The following FAM171A1 variants were observed in gnomAD, a reference collection of about 807,000 sequenced individuals.
FAM171A1 encodes the protein family with sequence similarity 171 member A1, also known as protein FAM171A1.
FAM171A1 carries 23 observed loss-of-function variants against 74.9 expected under a neutral mutation model. The observed-to-expected ratio is 0.31, with a 90% confidence interval of 0.22 to 0.44. FAM171A1 has a LOEUF of 0.44. FAM171A1 is among the 20% of genes least tolerant of loss of function. The pLI is 1.00. For synonymous variants in FAM171A1, 527 were observed against 505.7 expected, an observed-to-expected ratio of 1.04 and a Z score of -0.57; for missense variants, 1,162 against 1,159.2, an observed-to-expected ratio of 1.00 and a Z score of -0.03.
intron 1 of FAM171A1, among the ~76,000 whole-genome samples, chr10:15,344,530 G>A (rs112541310): frequency 0.02 from 3,062 of 152,256 alleles, 35 homozygotes; most frequent in Middle Eastern, 0.048. Flanking sequence ...AGGTGACAGA[G>A]CAACACTGTT....
At chr10:15,250,726 A>G (rs1449117358) in intron 4 of FAM171A1, among the ~76,000 whole-genome samples, 2 of 152,180 alleles carry the variant, frequency 1.3e-5, no homozygotes, top group African/African-American at 4.8e-5. Context: ...CACCACTGCA[A>G]TCCATCCTGG....
At chr10:15,314,811 T>G (rs1835403442) in intron 1 of FAM171A1, among the ~76,000 whole-genome samples, 1 of 152,148 alleles carries the variant, frequency 6.6e-6, no homozygotes, top group East Asian at 1.9e-4. Flanking sequence ...GCCACATTCC[T>G]GTCACTTCTC....
In FAM171A1 at chr10:15,329,584, C is replaced by T. The variant is rs141614183; in HGVS notation, c.97+41372G>A. On this transcript the variant is annotated intron_variant, in intron 1 of 7. Coordinates refer to ENST00000378116, the MANE Select transcript of FAM171A1 (RefSeq NM_001010924.2). ...GAAGCTGCAGTGAAACGTGATCATG[C>T]CACTGCACTCCAGCCTGGACAGCAG... Among the ~76,000 whole-genome samples the T allele has an allele frequency of 4.2e-3, 631 of 149,882 alleles. 7 individuals are homozygous for T. The highest frequency in any genetic ancestry group is 0.014 in the African/African-American group (580 of 40,574).
At chr10:15,370,240 CTTTTTTT>C (rs34087157) in intron 1 of FAM171A1, among the ~76,000 whole-genome samples, 9 of 110,862 alleles carry the variant, frequency 8.1e-5, no homozygotes, top group African/African-American at 1.7e-4. Flanking sequence ...AAGGATTTTT[CTTTTTTT>C]TTTTTTTTTT....
chr10:15,263,573 AT>A (rs1834690584), intron 3 of FAM171A1, among the ~76,000 whole-genome samples: 1 of 152,128 alleles, frequency 6.6e-6, no homozygotes, highest in African/African-American at 2.4e-5. Context: ...TTGTTGACCA[AT>A]TACTGAGGCA....
intron 1 of FAM171A1, among the ~76,000 whole-genome samples, chr10:15,332,945 C>G (rs2131861459): frequency 6.6e-6 from 1 of 152,298 alleles, no homozygotes; most frequent in Non-Finnish European, 1.5e-5. Context: ...TTCCCCCAGA[C>G]ATCCTCAACA....
chr10:15,329,995 G>A (rs1835608192), intron 1 of FAM171A1, among the ~76,000 whole-genome samples: 1 of 152,156 alleles, frequency 6.6e-6, no homozygotes, highest in African/African-American at 2.4e-5. Context: ...TTCTTGCATA[G>A]TATGGCACTG....
At chr10:15,292,216 C>T (rs1835110578) in intron 1 of FAM171A1, among the ~76,000 whole-genome samples, 2 of 152,190 alleles carry the variant, frequency 1.3e-5, no homozygotes, top group South Asian at 4.2e-4. Context: ...AAAGACCCCA[C>T]CTCCTAATAC....
intron 1 of FAM171A1, among the ~76,000 whole-genome samples, chr10:15,370,221 T>G (rs1836119939): frequency 6.7e-6 from 1 of 148,840 alleles, no homozygotes; most frequent in Non-Finnish European, 1.5e-5. Flanking sequence ...GGCGACAAAC[T>G]GATCTGGAAA....
chr10:15,366,123 T>C (rs1005767121), intron 1 of FAM171A1, among the ~76,000 whole-genome samples: 4 of 152,308 alleles, frequency 2.6e-5, no homozygotes, highest in Non-Finnish European at 5.9e-5. Flanking sequence ...TGTAGTTTCA[T>C]GTATTTATTT....
chr10:15,219,925 C>A (rs1834016356), intron 6 of FAM171A1, among the ~76,000 whole-genome samples: 1 of 152,198 alleles, frequency 6.6e-6, no homozygotes, highest in South Asian at 2.1e-4. Context: ...TGTAAATTTT[C>A]TTAGTATGGT....
chr10:15,313,200 T>C (rs61842681), intron 1 of FAM171A1, among the ~76,000 whole-genome samples: 3,471 of 152,234 alleles, frequency 0.023, 87 homozygotes, highest in Non-Finnish European at 0.03. Flanking sequence ...TGGGAATTCC[T>C]ACTCTGACCC....
intron 5 of FAM171A1, among the ~76,000 whole-genome samples, chr10:15,239,585 A>G (rs7913369): frequency 0.96 from 146,787 of 152,254 alleles, 71,000 homozygotes; most frequent in East Asian, 1. Context: ...TTACAGGTGT[A>G]AGCCACTGTG....
chr10:15,291,833 T>C (rs1245787161), intron 1 of FAM171A1, among the ~76,000 whole-genome samples: 2 of 152,138 alleles, frequency 1.3e-5, no homozygotes, highest in East Asian at 1.9e-4. Context: ...CTCCCCCAGA[T>C]ACCCAGCCAT....
intron 5 of FAM171A1, among the ~76,000 whole-genome samples, chr10:15,229,236 T>C (rs540288366): frequency 5.3e-5 from 8 of 152,328 alleles, no homozygotes; most frequent in Non-Finnish European, 7.4e-5. Context: ...TGGCCTTGGA[T>C]TGGGGAACCT....
At chr10:15,284,142 A>G (rs760945312) in intron 1 of FAM171A1, 37 bp from the exon 2 acceptor site, 1 of 1,583,264 alleles carries the variant, frequency 6.3e-7, no homozygotes. Flanking sequence ...AGCTACTGTC[A>G]ATGGGAAACA....
chr10:15,255,940 G>T (rs962340016), intron 3 of FAM171A1, among the ~76,000 whole-genome samples: 1 of 151,496 alleles, frequency 6.6e-6, no homozygotes, highest in African/African-American at 2.4e-5. Context: ...GAGCCACCGC[G>T]CCTGGCCCAG....
chr10:15,214,410 A>G lies in FAM171A1; in HGVS notation c.1178T>C (p.Leu393Pro). Residue 393 changes from leucine to proline, a missense_variant, in exon 8 of 8, where the codon CTG becomes CCG. Physicochemically the swap from Leu to Pro is moderately conservative, Grantham distance 98 (BLOSUM62 -3). Transcript: ENST00000378116. Reference protein sequence around the residue: ...GRPEAPGTKELMSGVHLEMMS... With the variant: ...GRPEAPGTKEPMSGVHLEMMS... The stretch of plus-strand genomic sequence containing the variant: ...CATTTCCAAATGGACTCCACTCATC[A>G]GTTCCTTCGTGCCGGGGGCCTCGGG... 1 of 1,614,090 alleles carries G rather than the reference A, an allele frequency of 6.2e-7. No individual in the cohort carries two copies. Among genetic ancestry groups the G allele is most frequent in the Non-Finnish European group, 8.5e-7 (1 of 1,179,990 alleles).
intron 5 of FAM171A1, among the ~76,000 whole-genome samples, chr10:15,222,185 A>G (rs990910413): frequency 1.3e-5 from 2 of 152,120 alleles, no homozygotes; most frequent in African/African-American, 4.8e-5. Flanking sequence ...TCCTATAATC[A>G]TCCTCACCTG....
Sources: gnomAD v4.1 joint callset for allele counts (sites outside exome capture counted in the v4.1 genomes callset) on GRCh38, gnomAD v4.1.1 for gene constraint, MANE v1.5 for transcripts, NCBI Gene and HGNC (gene_info 2026-07-23, HGNC 2026-07-21) for gene names.